TLN2: variants seen among roughly 807,000 people sequenced by gnomAD.
TLN2 encodes the protein talin-2.
Under a neutral mutation model 294.7 loss-of-function variants are expected in TLN2, and 118 were observed. The observed-to-expected ratio is 0.40, with a 90% CI of 0.34 to 0.47. The LOEUF is 0.47. TLN2 is among the 20% of genes least tolerant of loss of function. The pLI is 0.84. For missense variants in TLN2, 3,083 were observed against 3,282.2 expected, an observed-to-expected ratio of 0.94 and a Z score of 1.48; for synonymous variants, 1,431 against 1,304.5, an observed-to-expected ratio of 1.10 and a Z score of -2.09.
At chr15:62,664,054 G>C (rs532770718) in intron 9 of TLN2, among the ~76,000 whole-genome samples, 1 of 151,980 alleles carries the variant, frequency 6.6e-6, no homozygotes, top group East Asian at 1.9e-4. Flanking sequence ...CACTACATTA[G>C]TATCATAAGG....
At chr15:62,623,271 C>T (rs2048990091) in intron 3 of TLN2, among the ~76,000 whole-genome samples, 1 of 152,214 alleles carries the variant, frequency 6.6e-6, no homozygotes, top group South Asian at 2.1e-4. Flanking sequence ...AATTATTCTT[C>T]AGATGATTGT....
At chr15:62,697,607 A>G (rs1405222332) in intron 14 of TLN2, 81 bp from the exon 15 acceptor site, 7 of 1,464,996 alleles carry the variant, frequency 4.8e-6, no homozygotes, top group Non-Finnish European at 6.4e-6. Context: ...AGCAGGGAAC[A>G]TACGTGACAT....
intron 1 of TLN2, among the ~76,000 whole-genome samples, chr15:62,439,397 C>T (rs571624514): frequency 4.2e-4 from 64 of 152,270 alleles, no homozygotes; most frequent in African/African-American, 1.5e-3. Context: ...ACTGCACCCT[C>T]CGCCTCCTGG....
intron 8 of TLN2, among the ~76,000 whole-genome samples, chr15:62,657,155 G>GT (rs994970402): frequency 2.8e-4 from 43 of 151,486 alleles, no homozygotes; most frequent in South Asian, 6.3e-4. Context: ...TGAAAAGGTG[G>GT]GGGGGGGAAG....
intron 1 of TLN2, among the ~76,000 whole-genome samples, chr15:62,491,902 G>A (rs145321696): frequency 6.6e-6 from 1 of 152,238 alleles, no homozygotes; most frequent in Non-Finnish European, 1.5e-5. Flanking sequence ...CAAACTAGAG[G>A]AAGCCTTATC....
intron 1 of TLN2, among the ~76,000 whole-genome samples, chr15:62,551,653 C>T (rs1024700518): frequency 3.9e-5 from 6 of 152,042 alleles, no homozygotes; most frequent in Admixed American, 6.6e-5. Context: ...GAGCTGAGAC[C>T]GTGCCATTGC....
chr15:62,735,476 G>A lies in TLN2; in HGVS notation c.3359-1402G>A, dbSNP rs986908232. ...ATATCTAAATGGCCATTAAGTACAT[G>A]CAAAGATGCTCAACATCATTACCCA... is the stretch of plus-strand genomic sequence containing the variant. On this transcript the variant is annotated intron_variant, in intron 28 of 58. Coordinates refer to ENST00000636159, the MANE Select transcript of TLN2 (RefSeq NM_015059.3). 1.8e-4 allele frequency among the ~76,000 whole-genome samples: 28 copies of A among 152,164 alleles called. 1 individual carries two copies.
intron 1 of TLN2, among the ~76,000 whole-genome samples, chr15:62,508,333 C>T (rs2039742617): frequency 6.6e-6 from 1 of 152,196 alleles, no homozygotes; most frequent in Non-Finnish European, 1.5e-5. Flanking sequence ...TCTCCTGCCT[C>T]AGCCTCCCGG....
intron 20 of TLN2, among the ~76,000 whole-genome samples, chr15:62,708,147 A>T (rs907436173): frequency 2.6e-5 from 4 of 152,146 alleles, no homozygotes; most frequent in African/African-American, 7.2e-5. Flanking sequence ...TTGTATCCCA[A>T]CTCAAAAGAC....
At chr15:62,443,359 T>G (rs1266764533) in intron 1 of TLN2, among the ~76,000 whole-genome samples, 1 of 152,380 alleles carries the variant, frequency 6.6e-6, no homozygotes, top group South Asian at 2.1e-4. Context: ...TTTAATTTGT[T>G]TTATCACCAT....
intron 22 of TLN2, among the ~76,000 whole-genome samples, chr15:62,714,988 GA>G (rs1340673795): frequency 6.6e-6 from 1 of 152,072 alleles, no homozygotes; most frequent in Non-Finnish European, 1.5e-5. Context: ...AATACCTGAT[GA>G]ACAGAAAAAA....
intron 55 of TLN2, 67 bp downstream of exon 55, chr15:62,833,696 G>T: frequency 5.7e-6 from 9 of 1,571,272 alleles, no homozygotes; most frequent in Non-Finnish European, 7.7e-6. Context: ...CCCAGGAAAA[G>T]AGCTACAAGC....
At chr15:62,555,376 A>G (rs1008475247) in intron 1 of TLN2, among the ~76,000 whole-genome samples, 2 of 152,302 alleles carry the variant, frequency 1.3e-5, no homozygotes, top group East Asian at 1.9e-4. Context: ...TATAGCATGA[A>G]TGAATTCTTG....
chr15:62,483,757 C>A (rs891998257), intron 1 of TLN2, among the ~76,000 whole-genome samples: 1 of 152,140 alleles, frequency 6.6e-6, no homozygotes, highest in Non-Finnish European at 1.5e-5. Context: ...GTAGCTATCT[C>A]CCCCAGATGT....
At chr15:62,695,987 A>C (rs560107640) in intron 14 of TLN2, among the ~76,000 whole-genome samples, 2 of 152,326 alleles carry the variant, frequency 1.3e-5, no homozygotes, top group South Asian at 4.1e-4. Flanking sequence ...GATCAAGGCA[A>C]GCAGGAAGAA....
chr15:62,494,832 C>A (rs1432851486), intron 1 of TLN2, among the ~76,000 whole-genome samples: 1 of 152,176 alleles, frequency 6.6e-6, no homozygotes, highest in African/African-American at 2.4e-5. Flanking sequence ...AAGCAGCCCC[C>A]TTGCTATAGC....
At position 62,572,226 on chromosome 15, in the gene TLN2, A is replaced by G. The variant is rs545457797; in HGVS notation, c.-237-17461A>G. Among the ~76,000 whole-genome samples the G allele has an allele frequency of 2.5e-3, 377 of 151,346 alleles. 2 individuals carry two copies. Among genetic ancestry groups the G allele is most frequent in the African/African-American group, 8.8e-3 (363 of 41,266 alleles). On this transcript the variant is annotated intron_variant, in intron 1 of 58. Coordinates refer to ENST00000636159, the MANE Select transcript of TLN2 (RefSeq NM_015059.3). ...GCCTGCCCTTGGGAGGGCTGCTGTCATTGTCACCTCCTTTTTTTTTTTATT... is the reference window on the plus strand; with the variant it reads ...GCCTGCCCTTGGGAGGGCTGCTGTCGTTGTCACCTCCTTTTTTTTTTTATT...
chr15:62,562,183 C>T (rs2043023457), intron 1 of TLN2, among the ~76,000 whole-genome samples: 1 of 152,202 alleles, frequency 6.6e-6, no homozygotes, highest in Non-Finnish European at 1.5e-5. Context: ...TGCCCCATAG[C>T]AGATGTATTT....
intron 43 of TLN2, among the ~76,000 whole-genome samples, chr15:62,777,471 G>C (rs1435924871): frequency 6.6e-6 from 1 of 151,828 alleles, no homozygotes; most frequent in African/African-American, 2.4e-5. Flanking sequence ...AGGAGGCAGA[G>C]GTTGCGGTGA....
Sources: gnomAD v4.1 joint callset for allele counts (sites outside exome capture counted in the v4.1 genomes callset) on GRCh38, gnomAD v4.1.1 for gene constraint, MANE v1.5 for transcripts, NCBI Gene and HGNC (gene_info 2026-07-23, HGNC 2026-07-21) for gene names.